The following KLHL1 variants were observed in gnomAD, a reference collection of about 807,000 sequenced individuals.
KLHL1 encodes the protein kelch-like protein 1.
Under a neutral mutation model 77.7 loss-of-function variants are expected in KLHL1, and 47 were observed. The observed-to-expected ratio is 0.60, with a 90% CI of 0.48 to 0.77. KLHL1 has a LOEUF of 0.77. Ranked by LOEUF, KLHL1 falls within the 30% of genes least tolerant of loss-of-function variation. The pLI is 0.00. For synonymous variants in KLHL1, 360 were observed against 325.2 expected (o/e 1.11, Z -1.15); for missense variants, 925 against 910.8 (o/e 1.02, Z -0.20).
At chr13:70,080,443 T>C (rs537729903) in intron 1 of KLHL1, among the ~76,000 whole-genome samples, 5 of 152,340 alleles carry the variant, frequency 3.3e-5, no homozygotes, top group South Asian at 4.1e-4. Context: ...CAGATAAACC[T>C]AGAGGCTCTA....
intron 7 of KLHL1, among the ~76,000 whole-genome samples, chr13:69,782,039 T>C (rs1480418621): frequency 1.3e-5 from 2 of 152,236 alleles, no homozygotes; most frequent in Admixed American, 6.5e-5. Flanking sequence ...TTTCTCTCTT[T>C]TGATAACTTC....
intron 4 of KLHL1, among the ~76,000 whole-genome samples, chr13:69,939,725 C>T (rs983721243): frequency 1.5e-4 from 22 of 151,550 alleles, no homozygotes; most frequent in Admixed American, 3.3e-4. Flanking sequence ...GGCCTGGAGC[C>T]TATGCGCCCC....
At chr13:70,067,663 AAAG>A (rs1887041882) in intron 1 of KLHL1, among the ~76,000 whole-genome samples, 7 of 146,100 alleles carry the variant, frequency 4.8e-5, no homozygotes, top group Admixed American at 3.4e-4. Flanking sequence ...ACAACAACAA[AAAG>A]GTTCTTGATG....
At chr13:69,721,028 C>T (rs1189314773) in intron 8 of KLHL1, among the ~76,000 whole-genome samples, 1 of 71,426 alleles carries the variant, frequency 1.4e-5, no homozygotes, top group African/African-American at 4.5e-5. Context: ...GCAAACCTGC[C>T]TCCCATTCTA....
chr13:69,937,249 A>G (rs1011289343), intron 4 of KLHL1, among the ~76,000 whole-genome samples: 1 of 152,180 alleles, frequency 6.6e-6, no homozygotes, highest in African/African-American at 2.4e-5. Context: ...CTTTGATATA[A>G]TATTTAATTT....
At chr13:69,906,104 T>C (rs1242844282) in intron 4 of KLHL1, among the ~76,000 whole-genome samples, 1 of 152,076 alleles carries the variant, frequency 6.6e-6, no homozygotes, top group East Asian at 1.9e-4. Context: ...AAATACACTA[T>C]ACACTTTATT....
intron 4 of KLHL1, among the ~76,000 whole-genome samples, chr13:69,939,378 T>TATATACACACACACAC (rs1200160699): frequency 4.2e-5 from 3 of 70,822 alleles, no homozygotes; most frequent in Admixed American, 1.6e-4. Flanking sequence ...TATATATATA[T>TATATACACACACACAC]ACACACACAC....
At chr13:69,732,114 T>G (rs1394004840) in intron 8 of KLHL1, among the ~76,000 whole-genome samples, 2 of 152,210 alleles carry the variant, frequency 1.3e-5, no homozygotes, top group East Asian at 1.9e-4. Context: ...ATGCAAAAAT[T>G]TTAAGTCTGC....
chr13:69,886,316 A>G (rs1881215835), intron 4 of KLHL1, among the ~76,000 whole-genome samples: 1 of 151,984 alleles, frequency 6.6e-6, no homozygotes, highest in Non-Finnish European at 1.5e-5. Context: ...ATTTTAAAAT[A>G]ATTTTTCTAG....
intron 7 of KLHL1, among the ~76,000 whole-genome samples, chr13:69,780,713 T>TATATATATAC (rs1566243678): frequency 1.8e-4 from 6 of 32,966 alleles, no homozygotes; most frequent in South Asian, 1.2e-3. Flanking sequence ...TATATATATA[T>TATATATATAC]ATGTATATAT....
At chr13:70,066,513 T>G (rs9317872) in intron 1 of KLHL1, among the ~76,000 whole-genome samples, 45,332 of 152,118 alleles carry the variant, frequency 0.3, 8,410 homozygotes, top group South Asian at 0.49. Flanking sequence ...AGAATTCCTC[T>G]TCAGTGCTAC....
At chr13:69,983,362 A>G (rs1227267946) in intron 1 of KLHL1, among the ~76,000 whole-genome samples, 1 of 152,050 alleles carries the variant, frequency 6.6e-6, no homozygotes, top group African/African-American at 2.4e-5. Flanking sequence ...AATTTGTATG[A>G]AATTTATATG....
chr13:69,872,217 G>C (rs147066265), intron 5 of KLHL1, among the ~76,000 whole-genome samples: 1 of 152,108 alleles, frequency 6.6e-6, no homozygotes, highest in African/African-American at 2.4e-5. Context: ...TAGATCACAT[G>C]GTAAGAGAGG....
intron 1 of KLHL1, among the ~76,000 whole-genome samples, chr13:70,005,495 C>T (rs1419971813): frequency 6.6e-6 from 1 of 151,770 alleles, no homozygotes; most frequent in African/African-American, 2.4e-5. Flanking sequence ...AGCTCATCAG[C>T]TATAATTAGT....
At chr13:70,048,485 T>C (rs1886551946) in intron 1 of KLHL1, among the ~76,000 whole-genome samples, 1 of 152,206 alleles carries the variant, frequency 6.6e-6, no homozygotes, top group Admixed American at 6.5e-5. Context: ...GGCAGCCAGT[T>C]AGAAAGATTT....
At chr13:69,939,057 A>G (rs1593968194) in intron 4 of KLHL1, among the ~76,000 whole-genome samples, 1 of 151,692 alleles carries the variant, frequency 6.6e-6, no homozygotes, top group East Asian at 1.9e-4. Context: ...CAATGAAGAC[A>G]TTAATAATAT....
intron 9 of KLHL1, among the ~76,000 whole-genome samples, chr13:69,717,401 C>T (rs2137890166): frequency 6.6e-6 from 1 of 152,218 alleles, no homozygotes; most frequent in South Asian, 2.1e-4. Flanking sequence ...TGCTATTAAT[C>T]TGATGGGTAG....
intron 1 of KLHL1, among the ~76,000 whole-genome samples, chr13:70,081,238 C>G (rs1462657360): frequency 6.6e-6 from 1 of 152,198 alleles, no homozygotes; most frequent in East Asian, 1.9e-4. Flanking sequence ...CATTAACTTT[C>G]TACTGTTGTA....
At chr13:69,766,060 A>G (rs1230612246) in intron 7 of KLHL1, among the ~76,000 whole-genome samples, 1 of 152,232 alleles carries the variant, frequency 6.6e-6, no homozygotes. Context: ...ACATGTGCTA[A>G]TTCTGCTTTG....
Sources: gnomAD v4.1 joint callset for allele counts (sites outside exome capture counted in the v4.1 genomes callset) on GRCh38, gnomAD v4.1.1 for gene constraint, MANE v1.5 for transcripts, NCBI Gene and HGNC (gene_info 2026-07-23, HGNC 2026-07-21) for gene names.